Variants in KCNH1 observed in about 807,000 individuals in gnomAD.
KCNH1 encodes voltage-gated delayed rectifier potassium channel KCNH1.
Under a neutral mutation model 69.2 loss-of-function variants are expected in KCNH1, and 27 were observed. The ratio of observed to expected loss-of-function variants is 0.39; its 90% CI spans 0.29 to 0.54. The LOEUF (loss-of-function observed/expected upper bound fraction) is 0.54, where lower values mean the gene tolerates loss of function less well. Ranked by LOEUF, KCNH1 falls within the 20% of genes least tolerant of loss-of-function variation. KCNH1 has a pLI of 0.68. For missense variants in KCNH1, 798 were observed against 1,261.6 expected (o/e 0.63, Z 5.57); for synonymous variants, 456 against 487.7 (o/e 0.93, Z 0.86).
rs1235078445 is a variant in KCNH1 at position 210,775,077 on chromosome 1, T to G, written c.2112+271A>C. On this transcript the variant is annotated intron_variant, in intron 10 of 10. Coordinates refer to ENST00000271751, the MANE Select transcript of KCNH1 (RefSeq NM_172362.3). The stretch of plus-strand genomic sequence containing the variant: ...TCAAAATGCTAGCAGGTCTAGATAT[T>G]GATGGGGGAAAAAAAAGCCACCTCC... 2.0e-5 allele frequency among the ~76,000 whole-genome samples: 3 copies of G among 152,188 alleles called. No homozygotes were observed. In the East Asian group the frequency reaches 5.8e-4, roughly 29 times the overall value.
At chr1:211,105,106 C>T (rs1052884439) in intron 2 of KCNH1, among the ~76,000 whole-genome samples, 1 of 152,194 alleles carries the variant, frequency 6.6e-6, no homozygotes, top group African/African-American at 2.4e-5. Context: ...CTGTGGTTGT[C>T]CTTACGCACT....
chr1:210,867,330 T>TACACAC lies in KCNH1; in HGVS notation c.1462+52304_1462+52309dup, dbSNP rs57696942. Among the ~76,000 whole-genome samples the TACACAC allele has an allele frequency of 7.4e-4, 107 of 144,230 alleles. No homozygotes were observed. The East Asian group carries it at 8.8e-3, about 12-fold the overall frequency. The allele number at this position is 144,230 out of a possible 152,430, so 94.6% of individuals were successfully genotyped here. On this transcript the variant is annotated intron_variant, in intron 7 of 10. Coordinates refer to ENST00000271751, the MANE Select transcript of KCNH1 (RefSeq NM_172362.3). ...ACACATAGAATTATATGTATATGTT[T>TACACAC]ACACACACACACACACACACACACA...
chr1:210,805,763 C>T lies in KCNH1; in HGVS notation c.1463-1597G>A, dbSNP rs55838617. Among the ~76,000 whole-genome samples, 440 of 152,272 alleles carry T rather than the reference C, an allele frequency of 2.9e-3. 1 individual carries two copies. The highest frequency in any genetic ancestry group is 4.4e-3 in the Non-Finnish European group (300 of 68,020). ...CAATCATCCTCCATTTCCTCCCAAG[C>T]CCCTTGCCCTAGGCAACTGCTAACC... On this transcript the variant is annotated intron_variant, in intron 7 of 10. Coordinates refer to ENST00000271751, the MANE Select transcript of KCNH1 (RefSeq NM_172362.3).
intron 6 of KCNH1, among the ~76,000 whole-genome samples, chr1:210,947,452 G>A (rs1380220657): frequency 1.3e-5 from 2 of 151,812 alleles, no homozygotes; most frequent in Non-Finnish European, 2.9e-5. Context: ...GCGGGCACCT[G>A]TAGTCCCAGC....
Position 211,134,145 on chromosome 1 carries a change from G to C in KCNH1, c.-200C>G, listed in dbSNP as rs553354476. The C allele has an allele frequency of 2.4e-6, 1 of 424,188 alleles. No individual in the cohort carries two copies. The highest frequency in any genetic ancestry group is 3.9e-5 in the East Asian group (1 of 25,544). The allele number at this position is 424,188 out of a possible 1,614,324, so 26.3% of individuals were successfully genotyped here. A position where few individuals can be genotyped will look rare whatever the true frequency, so the allele number is the denominator to read the frequency against. ...CTCCCTCCCTGCGGCCCGCCTCGCAGTGCACTCGCGCCGGCCTCGGCTAGC... is the reference window on the plus strand; with the variant it reads ...CTCCCTCCCTGCGGCCCGCCTCGCACTGCACTCGCGCCGGCCTCGGCTAGC... On this transcript the variant is annotated 5_prime_UTR_variant, in exon 1 of 11. Coordinates refer to ENST00000271751, the MANE Select transcript of KCNH1 (RefSeq NM_172362.3). This position sits in a 1 kb window ranked among gnomAD's most constrained non-coding sequence, Gnocchi z 5.7.
intron 10 of KCNH1, among the ~76,000 whole-genome samples, chr1:210,758,942 C>T (rs1254797618): frequency 6.6e-6 from 1 of 152,114 alleles, no homozygotes; most frequent in African/African-American, 2.4e-5. Context: ...TGAATTACAT[C>T]ACCAAACAAA....
Position 210,683,571 on chromosome 1 carries a change from C to G in KCNH1, c.2680G>C (p.Val894Leu). The G allele has an allele frequency of 1.9e-6, 3 of 1,614,176 alleles. No homozygotes were observed. The highest frequency in any genetic ancestry group is 2.5e-6 in the Non-Finnish European group (3 of 1,180,026). Residue 894 changes from valine to leucine, a missense_variant, in exon 11 of 11, where the codon GTG becomes CTG. This residue lies in a region of KCNH1 where 331 missense variants were observed against 363.2 expected (regional missense o/e 0.91). Coordinates refer to ENST00000271751, the MANE Select transcript of KCNH1 (RefSeq NM_172362.3). The surrounding 1 kb of genome is among the most constrained non-coding windows in gnomAD (Gnocchi z 5.7). The part of the protein sequence containing the change: ...ITKSDLRLDN[V>L]GEARSPQDRS... ...TCCTGGGGACTCCTGGCCTCACCCACGTTGTCCAGGCGCAAGTCGCTCTTG... is the reference window on the plus strand; with the variant it reads ...TCCTGGGGACTCCTGGCCTCACCCAGGTTGTCCAGGCGCAAGTCGCTCTTG...
intron 1 of KCNH1, among the ~76,000 whole-genome samples, chr1:211,122,123 G>C (rs1459790871): frequency 6.6e-6 from 1 of 151,612 alleles, no homozygotes; most frequent in African/African-American, 2.4e-5. Flanking sequence ...GGGCGACAGT[G>C]AGACTCCGTC....
At chr1:210,870,394 C>T (rs547642684) in intron 7 of KCNH1, among the ~76,000 whole-genome samples, 63 of 152,264 alleles carry the variant, frequency 4.1e-4, no homozygotes, top group African/African-American at 1.5e-3. Flanking sequence ...TCTCTCAACA[C>T]AGAACACTTT....
intron 7 of KCNH1, among the ~76,000 whole-genome samples, chr1:210,863,847 G>A (rs185628119): frequency 1.8e-4 from 28 of 152,130 alleles, no homozygotes; most frequent in African/African-American, 4.8e-4. Flanking sequence ...TGCTCCACAC[G>A]AAGTACTCTT....
intron 6 of KCNH1, among the ~76,000 whole-genome samples, chr1:210,925,407 G>A (rs536703750): frequency 3.8e-4 from 58 of 152,298 alleles, no homozygotes; most frequent in African/African-American, 1.2e-3. Context: ...ACTGCTACAG[G>A]CTCCTTGATA....
At chr1:211,013,193 G>A (rs17017105) in intron 6 of KCNH1, among the ~76,000 whole-genome samples, 8,872 of 152,270 alleles carry the variant, frequency 0.058, 322 homozygotes, top group East Asian at 0.18. Context: ...AACAGGATAA[G>A]TAATGAACGT....
chr1:211,023,140 A>C (rs1273405738), intron 5 of KCNH1, among the ~76,000 whole-genome samples: 1 of 146,422 alleles, frequency 6.8e-6, no homozygotes, highest in Non-Finnish European at 1.5e-5. Flanking sequence ...ATAAATAAAT[A>C]AATAAATAAA....
chr1:211,121,641 A>G (rs1199364501), intron 1 of KCNH1, among the ~76,000 whole-genome samples: 1 of 152,224 alleles, frequency 6.6e-6, no homozygotes, highest in African/African-American at 2.4e-5. Context: ...CATGACAAAA[A>G]CGCCAAAAGC....
chr1:211,032,985 T>C (rs565185188), intron 5 of KCNH1, among the ~76,000 whole-genome samples: 55 of 151,880 alleles, frequency 3.6e-4, no homozygotes, highest in South Asian at 3.5e-3. Flanking sequence ...ACCTACAGAG[T>C]GGGAGAACAT....
chr1:211,102,047 T>G (rs766464083), intron 3 of KCNH1, among the ~76,000 whole-genome samples: 2 of 152,198 alleles, frequency 1.3e-5, no homozygotes, highest in African/African-American at 4.8e-5. Flanking sequence ...TTGGTTTACC[T>G]GGGTAGTTCA....
intron 6 of KCNH1, among the ~76,000 whole-genome samples, chr1:211,002,596 A>G (rs1239222692): frequency 2.0e-5 from 3 of 152,100 alleles, no homozygotes; most frequent in Non-Finnish European, 4.4e-5. Flanking sequence ...TAAAAGGAAA[A>G]ATCAAGAATT....
chr1:210,813,900 G>T (rs1007894400), intron 7 of KCNH1, among the ~76,000 whole-genome samples: 1 of 152,132 alleles, frequency 6.6e-6, no homozygotes, highest in African/African-American at 2.4e-5. Flanking sequence ...AGATCCGATG[G>T]TTTTATAAAT....
chr1:210,987,115 G>T (rs1335575994), intron 6 of KCNH1, among the ~76,000 whole-genome samples: 1 of 152,188 alleles, frequency 6.6e-6, no homozygotes, highest in African/African-American at 2.4e-5. Flanking sequence ...TAGTTCTTGT[G>T]CCTTGGTTTT....
Sources: allele counts gnomAD v4.1 joint callset (sites outside exome capture counted in the v4.1 genomes callset), GRCh38; gene constraint gnomAD v4.1.1; regional missense constraint gnomAD v4.1.1; non-coding constraint Gnocchi (gnomAD v3.1); transcripts MANE v1.5; gene names NCBI Gene and HGNC (gene_info 2026-07-23, HGNC 2026-07-21).